CBARP: variants seen among roughly 807,000 people sequenced by gnomAD.
CBARP encodes the protein voltage-dependent calcium channel beta subunit-associated regulatory protein.
A neutral mutation model predicts 36.3 loss-of-function variants in CBARP; 24 were observed. That is an observed-to-expected ratio of 0.66 (90% CI 0.48 to 0.93). The LOEUF (loss-of-function observed/expected upper bound fraction) is 0.93. CBARP is among the 40% of genes least tolerant of loss of function. The pLI, the probability that CBARP is intolerant of heterozygous loss-of-function variation, is 0.00. For missense variants in CBARP, 1,146 were observed against 980.4 expected (o/e 1.17, Z -2.26); for synonymous variants, 586 against 453.2 (o/e 1.29, Z -3.72).
chr19:1,237,983 C>G lies in CBARP; in HGVS notation c.-249G>C, dbSNP rs979618710. The G allele has an allele frequency of 7.5e-5, 11 of 147,006 alleles. No individual in the cohort carries two copies. The highest frequency in any genetic ancestry group is 1.5e-4 in the Non-Finnish European group (10 of 66,044). 9.1% of individuals were successfully genotyped at this position (147,006 alleles called of 1,614,324 possible). A position where few individuals can be genotyped will look rare whatever the true frequency, so the allele number is the denominator to read the frequency against. On this transcript the variant is annotated 5_prime_UTR_variant, in exon 1 of 10. Transcript: ENST00000650044. ...CTGCCCGGTCCCCGGCCCGCCGCCC[C>G]CGCTGCGCTCGCCGCTGGGTCTGGC...
In CBARP at chr19:1,230,142, C is replaced by G; in HGVS notation, c.1155G>C (p.Arg385Ser). Residue 385 changes from arginine (R) to serine (S), a missense_variant and splice_region_variant, in exon 10 of 10, where the codon AGG (arginine) becomes AGC (serine). By Grantham distance (110) the Arg-to-Ser change is moderately radical. Coordinates refer to ENST00000650044, the MANE Select transcript of CBARP (RefSeq NM_001393918.1). Reference protein sequence around the residue: ...FLASPPPALGRLEAAEAAGGA... With the variant: ...FLASPPPALGSLEAAEAAGGA... ...CTCCCGCTGCCTCGGCCGCCTCTAGCCTGCAAGCCAGGCCGCGCCGTCAGA... is the reference window on the plus strand; with the variant it reads ...CTCCCGCTGCCTCGGCCGCCTCTAGGCTGCAAGCCAGGCCGCGCCGTCAGA... The G allele has an allele frequency of 5.9e-6, 6 of 1,016,972 alleles. No individual in the cohort carries two copies. Among genetic ancestry groups the G allele is most frequent in the Non-Finnish European group, 5.9e-6 (5 of 848,106 alleles). The allele number at this position is 1,016,972 out of a possible 1,614,324, so 63.0% of individuals were successfully genotyped here.
intron 8 of CBARP, among the ~76,000 whole-genome samples, chr19:1,232,957 C>T (rs1422466913): frequency 1.3e-5 from 2 of 152,236 alleles, no homozygotes; most frequent in African/African-American, 4.8e-5. Context: ...GGGCCTCGGC[C>T]AAGGTCACAC....
At position 1,229,339 on chromosome 19, in the gene CBARP, G is replaced by A. The variant is rs770494033; in HGVS notation, c.1958C>T (p.Pro653Leu). ...IEEEPGGGGC[P>L]GSGLCVLPSG... ...TGGTAGGACGCACAGGCCCGAGCCGGGGCACCCCCCGCCGCCCGGCTCCTC... is the reference window on the plus strand; with the variant it reads ...TGGTAGGACGCACAGGCCCGAGCCGAGGCACCCCCCGCCGCCCGGCTCCTC... Residue 653 changes from proline to leucine, a missense_variant, in exon 10 of 10, where the codon CCC becomes CTC. Transcript: ENST00000650044. The surrounding 1 kb of genome is among the most constrained non-coding windows in gnomAD (Gnocchi z 5.1). The A allele has an allele frequency of 2.6e-5, 32 of 1,215,338 alleles. No homozygotes were observed. The Admixed American group carries it at 2.6e-4, about 10-fold the overall frequency. The allele number at this position is 1,215,338 out of a possible 1,614,324, so 75.3% of individuals were successfully genotyped here.
At position 1,228,717 on chromosome 19, in the gene CBARP, C is replaced by T. The variant is rs2080849454; in HGVS notation, c.*462G>A. 2.0e-5 allele frequency: 3 copies of T among 148,088 alleles called. No individual in the cohort carries two copies. The highest frequency in any genetic ancestry group is 7.3e-5 in the African/African-American group (3 of 40,994). The allele number at this position is 148,088 out of a possible 1,614,324, so 9.2% of individuals were successfully genotyped here. On this transcript the variant is annotated 3_prime_UTR_variant, in exon 10 of 10. Transcript: ENST00000650044. ...AACTCGTCTGCGACCGTTAGCGCCCCGCGGCCCCCGCCCGGGCGAGCTCGC... is the reference window on the plus strand; with the variant it reads ...AACTCGTCTGCGACCGTTAGCGCCCTGCGGCCCCCGCCCGGGCGAGCTCGC...
intron 1 of CBARP, among the ~76,000 whole-genome samples, 166 bp downstream of exon 1, chr19:1,237,590 G>A (rs1422281901): frequency 6.6e-6 from 1 of 152,038 alleles, no homozygotes; most frequent in African/African-American, 2.4e-5. Context: ...GCCTGAGCGG[G>A]GGTCCCTCTG....
At chr19:1,233,745 G>T in intron 7 of CBARP, 109 bp from the exon 8 acceptor site, 1 of 1,058,814 alleles carries the variant, frequency 9.4e-7, no homozygotes, top group Non-Finnish European at 1.3e-6. Context: ...CCCCATCACT[G>T]GGACAGAGAG....
rs1236909885 is a variant in CBARP at position 1,230,850 on chromosome 19, G to A, written c.1154+251C>T. 3 of 1,492,980 alleles carry A rather than the reference G, an allele frequency of 2.0e-6. No individual in the cohort carries two copies. In the African/African-American group the frequency reaches 4.3e-5, roughly 21 times the overall value. 92.5% of individuals were successfully genotyped at this position (1,492,980 alleles called of 1,614,324 possible). A position where few individuals can be genotyped will look rare whatever the true frequency, so the allele number is the denominator to read the frequency against. ...TCCACCAGCAAGCAGCAGTACCAGCGCCATCCTCGGGGGGCCCCTCCTCCC... is the reference window on the plus strand; with the variant it reads ...TCCACCAGCAAGCAGCAGTACCAGCACCATCCTCGGGGGGCCCCTCCTCCC... On this transcript the variant is annotated intron_variant, in intron 9 of 9. Coordinates refer to ENST00000650044, the MANE Select transcript of CBARP (RefSeq NM_001393918.1).
chr19:1,237,297 G>A (rs2080988688), intron 1 of CBARP, among the ~76,000 whole-genome samples: 1 of 152,214 alleles, frequency 6.6e-6, no homozygotes, highest in African/African-American at 2.4e-5. Context: ...GGCCGCATAT[G>A]TAGGTCGGGA....
intron 9 of CBARP, 22 bp from the exon 10 acceptor site, chr19:1,230,164 C>CA (rs1001854927): frequency 3.0e-6 from 3 of 1,000,152 alleles, no homozygotes; most frequent in Non-Finnish European, 3.6e-6. Context: ...GCCGCGCCGT[C>CA]AGAGCCCCGC....
Position 1,234,222 on chromosome 19 carries a change from G to A in CBARP, c.737C>T (p.Ser246Leu), listed in dbSNP as rs367906910. 5.9e-5 allele frequency: 89 copies of A among 1,519,420 alleles called. No individual in the cohort carries two copies. The highest frequency in any genetic ancestry group is 7.1e-5 in the Non-Finnish European group (81 of 1,136,988). 94.1% of individuals were successfully genotyped at this position (1,519,420 alleles called of 1,614,324 possible). Residue 246 changes from serine to leucine, a missense_variant, in exon 7 of 10, where the codon TCG (serine) becomes TTG (leucine). Ser to Leu is a moderately radical substitution (Grantham distance 145, BLOSUM62 -2). Transcript: ENST00000650044. ...GATDFAEISP[S>L]ASSDSGEGTS... The stretch of plus-strand genomic sequence containing the variant: ...GCCTTCCCCAGAGTCGCTAGATGCC[G>A]AGGGGCTGATCTCTGCGAAGTCAGT...
At chr19:1,233,684 C>T in intron 7 of CBARP, 48 bp from the exon 8 acceptor site, 1 of 1,538,754 alleles carries the variant, frequency 6.5e-7, no homozygotes, top group South Asian at 1.2e-5. Flanking sequence ...CTTCCTGGGC[C>T]CGTGTGCTGG....
chr19:1,231,040 G>T (rs773662961), intron 9 of CBARP, 61 bp downstream of exon 9: 32 of 1,556,224 alleles, frequency 2.1e-5, no homozygotes, highest in Non-Finnish European at 2.7e-5. Context: ...GCCTAGGGGG[G>T]GGCGAAGGGG....
intron 8 of CBARP, among the ~76,000 whole-genome samples, chr19:1,231,650 C>T (rs1202303433): frequency 6.9e-6 from 1 of 145,822 alleles, no homozygotes; most frequent in Non-Finnish European, 1.5e-5. Context: ...ACACCTGTGG[C>T]CCCCACACAC....
Position 1,230,114 on chromosome 19 carries a change from C to T in CBARP, c.1183G>A (p.Ala395Thr), listed in dbSNP as rs2080870238. The change falls in exon 10 of 10, where the codon GCG (alanine) becomes ACG (threonine). Residue 395 changes from alanine to threonine, a missense_variant. By Grantham distance (58) the Ala-to-Thr change is moderately conservative (BLOSUM62 0). Transcript: ENST00000650044. ...RLEAAEAAGGASPDSPPERGA... is the reference protein window; with the variant it reads ...RLEAAEAAGGTSPDSPPERGA... ...CGCTCCGGGGGGGAATCGGGGCTCGCTCCTCCCGCTGCCTCGGCCGCCTCT... is the reference window on the plus strand; with the variant it reads ...CGCTCCGGGGGGGAATCGGGGCTCGTTCCTCCCGCTGCCTCGGCCGCCTCT... 9.5e-7 allele frequency: 1 copy of T among 1,056,218 alleles called. No individual in the cohort carries two copies. Among genetic ancestry groups the T allele is most frequent in the Non-Finnish European group, 1.1e-6 (1 of 870,860 alleles). 65.4% of individuals were successfully genotyped at this position (1,056,218 alleles called of 1,614,324 possible).
chr19:1,230,818 C>T, intron 9 of CBARP: 1 of 1,470,722 alleles, frequency 6.8e-7, no homozygotes, highest in Non-Finnish European at 8.9e-7. Flanking sequence ...CCCTTCAGGC[C>T]TCGGACTCCA....
intron 8 of CBARP, among the ~76,000 whole-genome samples, chr19:1,232,872 G>A (rs1175033614): frequency 6.6e-6 from 1 of 152,250 alleles, no homozygotes; most frequent in East Asian, 1.9e-4. Context: ...GGGCCTGATG[G>A]GAAAAGTCTG....
Position 1,233,736 on chromosome 19 carries a change from C to T in CBARP, c.769-100G>A, listed in dbSNP as rs2145453731. The T allele has an allele frequency of 3.4e-6, 4 of 1,174,818 alleles. No homozygotes were observed. In the East Asian group the frequency reaches 7.6e-5, roughly 22 times the overall value. The allele number at this position is 1,174,818 out of a possible 1,614,324, so 72.8% of individuals were successfully genotyped here. A position where few individuals can be genotyped will look rare whatever the true frequency, so the allele number is the denominator to read the frequency against. On this transcript the variant is annotated intron_variant, in intron 7 of 9. Transcript: ENST00000650044. ...GTCTGAGAGACAGTCCCAAGGGCCC[C>T]CCATCACTGGGACAGAGAGGGGTAC...
chr19:1,230,994 G>A (rs1178738551), intron 9 of CBARP, 107 bp downstream of exon 9: 2 of 1,547,750 alleles, frequency 1.3e-6, no homozygotes, highest in Non-Finnish European at 1.7e-6. Context: ...GCAGGCGAGC[G>A]CGTGTCCACG....
At position 1,231,206 on chromosome 19, in the gene CBARP, T is replaced by C; in HGVS notation, c.1049A>G (p.Asp350Gly). The change falls in exon 9 of 10, where the codon GAT (aspartate) becomes GGT (glycine). Residue 350 changes from aspartate to glycine, a missense_variant. By Grantham distance (94) the Asp-to-Gly change is moderately conservative. Coordinates refer to ENST00000650044, the MANE Select transcript of CBARP (RefSeq NM_001393918.1). ...ASESTEQEEGDAPQEDFIQYI... is the reference protein window; with the variant it reads ...ASESTEQEEGGAPQEDFIQYI... ...CTGGATGAAGTCCTCCTGGGGGGCA[T>C]CCCCCTCCTCCTGCTCCGTGCTCTC... 1 of 1,602,890 alleles carries C rather than the reference T, an allele frequency of 6.2e-7. No individual in the cohort carries two copies.
Sources: gnomAD v4.1 joint callset for allele counts (sites outside exome capture counted in the v4.1 genomes callset) on GRCh38, gnomAD v4.1.1 for gene constraint, Gnocchi (gnomAD v3.1) non-coding constraint, MANE v1.5 for transcripts, NCBI Gene and HGNC (gene_info 2026-07-23, HGNC 2026-07-21) for gene names.